Variants in PATJ observed in about 807,000 individuals in gnomAD.
PATJ encodes PATJ crumbs cell polarity complex component.
In PATJ, 190 loss-of-function variants were observed where a neutral mutation model predicts 224.9. That is an observed-to-expected ratio of 0.84 (90% CI 0.75 to 0.95). The LOEUF is 0.95. Ranked by LOEUF, PATJ falls within the 40% of genes least tolerant of loss-of-function variation. The probability of loss-of-function intolerance (pLI) is 0.00; values close to 1 mark genes in which losing one functional copy is unlikely to be tolerated. For missense variants in PATJ, 2,121 were observed against 2,270.3 expected (o/e 0.93, Z 1.34); for synonymous variants, 769 against 820.3 (o/e 0.94, Z 1.07).
At chr1:61,943,403 G>T (rs1321975323) in intron 27 of PATJ, among the ~76,000 whole-genome samples, 1 of 152,178 alleles carries the variant, frequency 6.6e-6, no homozygotes, top group African/African-American at 2.4e-5. Context: ...CTAATACTGC[G>T]CTTTTCCAAC....
At chr1:62,096,378 T>C (rs1459321217) in intron 33 of PATJ, among the ~76,000 whole-genome samples, 2 of 152,156 alleles carry the variant, frequency 1.3e-5, no homozygotes, top group Non-Finnish European at 2.9e-5. Flanking sequence ...TCAGTGAGGA[T>C]TGTACTTGAC....
chr1:62,058,475 G>A (rs1363720805), intron 31 of PATJ, among the ~76,000 whole-genome samples: 1 of 152,218 alleles, frequency 6.6e-6, no homozygotes, highest in Non-Finnish European at 1.5e-5. Context: ...GAAAAAGGCT[G>A]TCAGATACAA....
At chr1:61,883,297 A>G (rs1294814283) in intron 21 of PATJ, among the ~76,000 whole-genome samples, 2 of 152,220 alleles carry the variant, frequency 1.3e-5, no homozygotes, top group Admixed American at 6.5e-5. Flanking sequence ...ATTAATTGCT[A>G]GGAAGTTTGT....
chr1:61,891,493 T>C (rs1669604178), intron 22 of PATJ, among the ~76,000 whole-genome samples: 1 of 151,462 alleles, frequency 6.6e-6, no homozygotes, highest in Non-Finnish European at 1.5e-5. Context: ...GAAAAGGGGG[T>C]GTTTGTGGGA....
At position 61,827,462 on chromosome 1, in the gene PATJ, C is replaced by T; in HGVS notation, c.1859C>T (p.Ala620Val). ...MQLYGKSRRE[A>V]VSFLKEVPPP... ...CTTTATGGAAAATCTCGCCGAGAAG[C>T]AGTCTCCTTTCTTAAAGAAGTGCCA... The change falls in exon 16 of 44, where the codon GCA becomes GTA. Residue 620 changes from alanine to valine, a missense_variant. Transcript: ENST00000642238. The T allele has an allele frequency of 6.8e-6, 11 of 1,614,006 alleles. No homozygotes were observed. The highest frequency in any genetic ancestry group is 9.3e-6 in the Non-Finnish European group (11 of 1,179,976).
intron 17 of PATJ, among the ~76,000 whole-genome samples, chr1:61,842,866 G>T (rs984632160): frequency 6.6e-6 from 1 of 152,170 alleles, no homozygotes; most frequent in Non-Finnish European, 1.5e-5. Flanking sequence ...GTGTTCTGGA[G>T]TTCCCAGTTG....
chr1:62,148,241 C>T (rs1412840980), intron 41 of PATJ, 43 bp from the exon 42 acceptor site: 4 of 1,340,288 alleles, frequency 3.0e-6, no homozygotes, highest in African/African-American at 2.9e-5. Context: ...TCTAATTCTC[C>T]CCTTCTTTAT....
chr1:61,901,350 A>C lies in PATJ; in HGVS notation c.3272A>C (p.Lys1091Thr), dbSNP rs1170879799. Residue 1091 changes from lysine (K) to threonine (T), a missense_variant, in exon 24 of 44, where the codon AAA (lysine) becomes ACA (threonine). Coordinates refer to ENST00000642238, the MANE Select transcript of PATJ (RefSeq NM_001350145.3). ...ISIVGGQTVI[K>T]RLKNGEELKG... is the part of the protein sequence containing the mutation. ...ATTGTTGGTGGACAAACTGTTATAAAACGTCTAAAGAATGGAGAGGAGCTT... is the reference window on the plus strand; with the variant it reads ...ATTGTTGGTGGACAAACTGTTATAACACGTCTAAAGAATGGAGAGGAGCTT... 1 of 1,586,064 alleles carries C rather than the reference A, an allele frequency of 6.3e-7. No homozygotes were observed. Among genetic ancestry groups the C allele is most frequent in the Admixed American group, 1.9e-5 (1 of 52,328 alleles).
chr1:61,952,297 G>C (rs988111450), intron 27 of PATJ: 2 of 505,898 alleles, frequency 4.0e-6, no homozygotes, highest in South Asian at 4.3e-5. Context: ...GCCCAAGGTC[G>C]TCAGAAGAGA....
At chr1:62,147,378 G>A (rs534481896) in intron 41 of PATJ, among the ~76,000 whole-genome samples, 17 of 152,272 alleles carry the variant, frequency 1.1e-4, no homozygotes, top group Middle Eastern at 6.8e-3. Flanking sequence ...GTTGAAGGCC[G>A]GGCACAGGAG....
chr1:61,998,271 A>G (rs1006374925), intron 28 of PATJ, among the ~76,000 whole-genome samples: 1 of 151,164 alleles, frequency 6.6e-6, no homozygotes, highest in Non-Finnish European at 1.5e-5. Flanking sequence ...TTTAGTAGAG[A>G]TGGGGTTTCA....
chr1:62,098,177 G>C (rs997839334), intron 33 of PATJ, among the ~76,000 whole-genome samples: 1 of 151,940 alleles, frequency 6.6e-6, no homozygotes, highest in African/African-American at 2.4e-5. Context: ...GGCTAACATG[G>C]TGAAACCCCA....
chr1:62,016,408 A>G (rs1646772201), intron 28 of PATJ, among the ~76,000 whole-genome samples: 1 of 152,252 alleles, frequency 6.6e-6, no homozygotes, highest in African/African-American at 2.4e-5. Context: ...GCTAATTGCA[A>G]TTCCTTTTAC....
rs1007551441 is a variant in PATJ, at chr1:61,758,080, G to A, written c.-35-4778G>A. 2.0e-5 allele frequency among the ~76,000 whole-genome samples: 3 copies of A among 152,176 alleles called. 1 individual carries two copies. The East Asian group carries it at 5.8e-4, about 29-fold the overall frequency. ...ATTGGATTAACTTCTCTGTGTTAATGCAAAGGGTTGGATTGTCAAAGCATC... is the reference window on the plus strand; with the variant it reads ...ATTGGATTAACTTCTCTGTGTTAATACAAAGGGTTGGATTGTCAAAGCATC... On this transcript the variant is annotated intron_variant, in intron 1 of 43. Coordinates refer to ENST00000642238, the MANE Select transcript of PATJ (RefSeq NM_001350145.3).
chr1:62,148,812 C>A (rs778265848), intron 42 of PATJ, among the ~76,000 whole-genome samples: 19 of 152,050 alleles, frequency 1.2e-4, no homozygotes, highest in Non-Finnish European at 2.5e-4. Flanking sequence ...AGCAGGGTTT[C>A]TCAAACTAGA....
chr1:61,818,908 C>G (rs749643049), intron 14 of PATJ, among the ~76,000 whole-genome samples: 2 of 152,056 alleles, frequency 1.3e-5, no homozygotes, highest in African/African-American at 4.8e-5. Flanking sequence ...CCAGTTCTTG[C>G]CTTAACCCTT....
chr1:61,986,075 ATGTTAAG>A (rs1644741313), intron 27 of PATJ, among the ~76,000 whole-genome samples: 1 of 151,972 alleles, frequency 6.6e-6, no homozygotes, highest in South Asian at 2.1e-4. Context: ...GGAATCAGAG[ATGTTAAG>A]TGCCTCAGCT....
At chr1:61,751,359 A>G (rs1043699989) in intron 1 of PATJ, among the ~76,000 whole-genome samples, 1 of 152,150 alleles carries the variant, frequency 6.6e-6, no homozygotes, top group African/African-American at 2.4e-5. Flanking sequence ...CAGTGCGGGT[A>G]AAATTGAATA....
chr1:62,116,979 G>A (rs911630283), intron 36 of PATJ, among the ~76,000 whole-genome samples, 153 bp from the exon 37 acceptor site: 1 of 152,144 alleles, frequency 6.6e-6, no homozygotes, highest in African/African-American at 2.4e-5. Context: ...GGCCCTCCAG[G>A]AGCCACAGAA....
Sources: gnomAD v4.1 joint callset for allele counts (sites outside exome capture counted in the v4.1 genomes callset) on GRCh38, gnomAD v4.1.1 for gene constraint, MANE v1.5 for transcripts, NCBI Gene and HGNC (gene_info 2026-07-23, HGNC 2026-07-21) for gene names.